Variants in HECW1 observed in about 807,000 individuals in gnomAD.
HECW1 encodes the protein HECT, C2 and WW domain containing E3 ubiquitin protein ligase 1.
In HECW1, 61 loss-of-function variants were observed where a neutral mutation model predicts 182.3. The observed-to-expected ratio is 0.33, with a 90% CI of 0.27 to 0.41. The LOEUF (loss-of-function observed/expected upper bound fraction) is 0.41, where lower values mean the gene tolerates loss of function less well. HECW1 is among the 10% of genes least tolerant of loss of function. HECW1 has a pLI of 1.00. For missense variants in HECW1, 1,739 were observed against 2,108.9 expected, an observed-to-expected ratio of 0.82 and a Z score of 3.44; for synonymous variants, 859 against 832.6, an observed-to-expected ratio of 1.03 and a Z score of -0.55.
At chr7:43,255,435 C>T (rs950954878) in intron 3 of HECW1, among the ~76,000 whole-genome samples, 1 of 151,872 alleles carries the variant, frequency 6.6e-6, no homozygotes, top group African/African-American at 2.4e-5. Context: ...CCCCTCTCTA[C>T]CAAAAATACA....
chr7:43,527,252 G>C (rs1457505566), intron 24 of HECW1, among the ~76,000 whole-genome samples: 1 of 152,158 alleles, frequency 6.6e-6, no homozygotes, highest in Non-Finnish European at 1.5e-5. Flanking sequence ...CTGCGGGTGG[G>C]CACTCCCTCA....
chr7:43,180,499 C>G (rs539868049), intron 2 of HECW1, among the ~76,000 whole-genome samples: 1 of 152,048 alleles, frequency 6.6e-6, no homozygotes, highest in African/African-American at 2.4e-5. Context: ...GGGTTCACGC[C>G]ATTCTCCTGC....
chr7:43,120,189 C>T (rs1048727118), intron 2 of HECW1, among the ~76,000 whole-genome samples: 1 of 152,130 alleles, frequency 6.6e-6, no homozygotes, highest in Non-Finnish European at 1.5e-5. Context: ...TGCCACTCTC[C>T]GAGTCCCCAG....
intron 2 of HECW1, among the ~76,000 whole-genome samples, chr7:43,178,500 T>C (rs2152673572): frequency 1.3e-5 from 2 of 152,264 alleles, no homozygotes; most frequent in South Asian, 4.1e-4. Flanking sequence ...GTGCCAAATA[T>C]CAAGTGATCC....
In HECW1 at chr7:43,508,106, T is replaced by A; in HGVS notation, c.3841T>A (p.Tyr1281Asn). 1 of 1,613,234 alleles carries A rather than the reference T, an allele frequency of 6.2e-7. No individual in the cohort carries two copies. The highest frequency in any genetic ancestry group is 8.5e-7 in the Non-Finnish European group (1 of 1,179,190). Residue 1281 changes from tyrosine to asparagine, a missense_variant, in exon 23 of 30, where the codon TAC becomes AAC. By Grantham distance (143) the Tyr-to-Asn change is moderately radical. Around this residue, in one of 5 missense-constraint regions of HECW1, gnomAD observed 420 missense variants for 595.7 expected, o/e 0.71. Coordinates refer to ENST00000395891, the MANE Select transcript of HECW1 (RefSeq NM_015052.5). The stretch of plus-strand genomic sequence containing the variant: ...GAAAGAGCTCCAGCGAAACAAGCTC[T>A]ACGTCACCTTTGTTGGAGAGGAGGG... ...SRKELQRNKL[Y>N]VTFVGEEGLD...
chr7:43,484,868 T>C (rs1437862945), intron 17 of HECW1, among the ~76,000 whole-genome samples: 1 of 152,202 alleles, frequency 6.6e-6, no homozygotes, highest in East Asian at 1.9e-4. Context: ...TTATCTCTCC[T>C]CAGAATGTGT....
intron 2 of HECW1, among the ~76,000 whole-genome samples, chr7:43,215,345 T>C: frequency 6.6e-6 from 1 of 152,366 alleles, no homozygotes; most frequent in East Asian, 1.9e-4. Context: ...CGTTGCCCTG[T>C]CCTAACATGG....
chr7:43,159,612 A>T (rs1337519479), intron 2 of HECW1, among the ~76,000 whole-genome samples: 2 of 152,074 alleles, frequency 1.3e-5, no homozygotes, highest in Non-Finnish European at 2.9e-5. Flanking sequence ...AATTCTACTA[A>T]CACATACAAA....
chr7:43,241,536 A>G (rs975838531), intron 2 of HECW1: 1 of 152,102 alleles, frequency 6.6e-6, no homozygotes, highest in Non-Finnish European at 1.5e-5. Context: ...CGGTATCCCC[A>G]GTACTAAGTG....
intron 2 of HECW1, among the ~76,000 whole-genome samples, chr7:43,155,859 A>G (rs1258005149): frequency 6.6e-6 from 1 of 152,268 alleles, no homozygotes; most frequent in African/African-American, 2.4e-5. Context: ...TTACAGGTGT[A>G]ACAGCAGATT....
chr7:43,444,423 G>A lies in HECW1; in HGVS notation c.1251G>A (p.Glu417=). 1 of 1,614,080 alleles carries A rather than the reference G, an allele frequency of 6.2e-7. No individual in the cohort carries two copies. Among genetic ancestry groups the A allele is most frequent in the Non-Finnish European group, 8.5e-7 (1 of 1,179,992 alleles). ...GCATAGAGCTTTCCAGACCAGCTGA[G>A]GAAGCAGCAGTCATCACGGAGGCAG... The part of the protein sequence containing the change: ...NQSIELSRPA[E]EAAVITEAGD... The change falls in exon 11 of 30, where the codon GAG becomes GAA. Residue 417 remains glutamate, a synonymous_variant. Transcript: ENST00000395891. The surrounding 1 kb of genome is among the most constrained non-coding windows in gnomAD (Gnocchi z 4.3).
At chr7:43,297,991 T>G (rs768929954) in intron 3 of HECW1, among the ~76,000 whole-genome samples, 12 of 152,160 alleles carry the variant, frequency 7.9e-5, no homozygotes, top group Non-Finnish European at 1.6e-4. Context: ...GAAGGATAGC[T>G]TGAGCCAGGA....
intron 2 of HECW1, among the ~76,000 whole-genome samples, chr7:43,167,736 C>A (rs914012205): frequency 1.3e-5 from 2 of 151,844 alleles, no homozygotes; most frequent in African/African-American, 4.9e-5. Flanking sequence ...GCATTAAGTT[C>A]TAGTTCAAGT....
intron 2 of HECW1, among the ~76,000 whole-genome samples, chr7:43,182,159 A>T (rs531236742): frequency 9.2e-5 from 14 of 152,052 alleles, no homozygotes; most frequent in African/African-American, 3.4e-4. Flanking sequence ...CATTTGATAT[A>T]TTTCCACTTG....
At chr7:43,347,393 A>C (rs1813824789) in intron 5 of HECW1, among the ~76,000 whole-genome samples, 1 of 152,080 alleles carries the variant, frequency 6.6e-6, no homozygotes, top group Admixed American at 6.5e-5. Flanking sequence ...AACTTTGCTG[A>C]ATTCTTTTAT....
At chr7:43,186,459 A>C (rs1009413259) in intron 2 of HECW1, among the ~76,000 whole-genome samples, 8 of 152,086 alleles carry the variant, frequency 5.3e-5, no homozygotes, top group African/African-American at 1.9e-4. Flanking sequence ...CGAGGTCAGG[A>C]GATTGAGACC....
At chr7:43,523,769 G>A (rs2080632503) in intron 24 of HECW1, among the ~76,000 whole-genome samples, 1 of 152,160 alleles carries the variant, frequency 6.6e-6, no homozygotes, top group Admixed American at 6.5e-5. Context: ...AGAGGCTGGT[G>A]ATATGAGGGG....
intron 3 of HECW1, among the ~76,000 whole-genome samples, chr7:43,272,853 A>G (rs1802579883): frequency 6.6e-6 from 1 of 152,198 alleles, no homozygotes. Context: ...CGTTACACCA[A>G]AAAGACACAG....
intron 24 of HECW1, among the ~76,000 whole-genome samples, chr7:43,533,746 C>T (rs2081076544): frequency 1.3e-5 from 2 of 152,194 alleles, no homozygotes; most frequent in South Asian, 4.1e-4. Flanking sequence ...AAGAGCCAAG[C>T]ACATTATCAC....
Sources: allele counts gnomAD v4.1 joint callset (sites outside exome capture counted in the v4.1 genomes callset), GRCh38; gene constraint gnomAD v4.1.1; regional missense constraint gnomAD v4.1.1; non-coding constraint Gnocchi (gnomAD v3.1); transcripts MANE v1.5; gene names NCBI Gene and HGNC (gene_info 2026-07-23, HGNC 2026-07-21).